The following AGBL3 variants were observed in gnomAD, a reference collection of about 807,000 sequenced individuals.
The protein encoded by AGBL3 is cytosolic carboxypeptidase 3.
Under a neutral mutation model 94.5 loss-of-function variants are expected in AGBL3, and 68 were observed. The ratio of observed to expected loss-of-function variants is 0.72; its 90% confidence interval spans 0.59 to 0.88. The LOEUF (loss-of-function observed/expected upper bound fraction) is 0.88. Ranked by LOEUF, AGBL3 falls within the 40% of genes least tolerant of loss-of-function variation. The pLI is 0.00. For missense variants in AGBL3, 934 were observed against 1,103.8 expected (o/e 0.85, Z 2.18); for synonymous variants, 354 against 370.7 (o/e 0.95, Z 0.52).
intron 4 of AGBL3, chr7:135,010,088 G>A (rs1299206223): frequency 4.7e-6 from 2 of 423,816 alleles, no homozygotes; most frequent in Non-Finnish European, 9.2e-6. Context: ...GAGCGCAGTG[G>A]TGCGATCTCG....
At chr7:135,093,361 A>C (rs916495886) in intron 15 of AGBL3, 18 of 152,124 alleles carry the variant, frequency 1.2e-4, no homozygotes, top group African/African-American at 4.3e-4. Flanking sequence ...TGCAGGATAA[A>C]AGATCAATAG....
intron 11 of AGBL3, among the ~76,000 whole-genome samples, chr7:135,052,827 C>G (rs1456756814): frequency 6.6e-6 from 1 of 151,968 alleles, no homozygotes; most frequent in Non-Finnish European, 1.5e-5. Context: ...ATCTAGAATA[C>G]CTTTTAAGAA....
chr7:135,112,769 T>C (rs1382841119), intron 15 of AGBL3, among the ~76,000 whole-genome samples: 1 of 152,190 alleles, frequency 6.6e-6, no homozygotes, highest in Non-Finnish European at 1.5e-5. Context: ...AAGCATTCAC[T>C]GAATGTTTAT....
At chr7:134,987,680 G>C (rs907657091) in intron 1 of AGBL3, among the ~76,000 whole-genome samples, 195 bp from the exon 2 acceptor site, 25 of 152,098 alleles carry the variant, frequency 1.6e-4, no homozygotes, top group African/African-American at 6.0e-4. Flanking sequence ...TTGTCTTATT[G>C]TGGTTGTTGT....
chr7:135,096,895 G>A (rs553558199), intron 15 of AGBL3, among the ~76,000 whole-genome samples: 1 of 152,252 alleles, frequency 6.6e-6, no homozygotes, highest in Non-Finnish European at 1.5e-5. Flanking sequence ...GACAAAATAT[G>A]CAGAAAAGAA....
At chr7:135,007,082 G>A (rs974537280) in intron 4 of AGBL3, among the ~76,000 whole-genome samples, 2 of 151,298 alleles carry the variant, frequency 1.3e-5, no homozygotes, top group African/African-American at 4.8e-5. Context: ...TAGCTTCATT[G>A]CTGAATTCTT....
At chr7:135,100,970 G>T (rs537666477) in intron 15 of AGBL3, among the ~76,000 whole-genome samples, 1 of 152,292 alleles carries the variant, frequency 6.6e-6, no homozygotes, top group African/African-American at 2.4e-5. Flanking sequence ...TGTATTAAAA[G>T]ACTTTGCATA....
chr7:135,094,906 A>G (rs1268342260), intron 15 of AGBL3, among the ~76,000 whole-genome samples: 2 of 152,220 alleles, frequency 1.3e-5, no homozygotes, highest in Non-Finnish European at 2.9e-5. Context: ...AGGAAAAATT[A>G]TATACAGAAT....
intron 15 of AGBL3, among the ~76,000 whole-genome samples, chr7:135,084,161 T>C (rs943203838): frequency 2.6e-5 from 4 of 152,124 alleles, no homozygotes; most frequent in Non-Finnish European, 4.4e-5. Flanking sequence ...AGTTTTCTTA[T>C]GCAATGTTTC....
chr7:135,076,463 CAA>C lies in AGBL3; in HGVS notation c.1976_1977del (p.Gln659ArgfsTer4). 1 of 1,544,830 alleles carries C rather than the reference CAA, an allele frequency of 6.5e-7. No homozygotes were observed. Among genetic ancestry groups the C allele is most frequent in the South Asian group, 1.2e-5 (1 of 83,832 alleles). ...TIASHQNARG[Q>X]EVYDRGHLLQ... ...AGCAAGCCACCAAAATGCCAGAGGACAAGAGGTAAATCTTCATTAATCTAGTT... is the reference window on the plus strand; with the variant it reads ...AGCAAGCCACCAAAATGCCAGAGGACGAGGTAAATCTTCATTAATCTAGTT... On this transcript the variant is annotated frameshift_variant, in exon 13 of 17. Coordinates refer to ENST00000436302, the MANE Select transcript of AGBL3 (RefSeq NM_178563.4). LOFTEE classifies it high-confidence loss of function.
chr7:135,038,132 C>A (rs887981697), intron 8 of AGBL3, among the ~76,000 whole-genome samples: 7 of 152,084 alleles, frequency 4.6e-5, no homozygotes, highest in Non-Finnish European at 8.8e-5. Flanking sequence ...ATATTTTAAT[C>A]ATTCTTTAGG....
intron 4 of AGBL3, among the ~76,000 whole-genome samples, chr7:134,994,929 T>C (rs1373958549): frequency 2.6e-5 from 4 of 152,204 alleles, no homozygotes; most frequent in Admixed American, 6.5e-5. Flanking sequence ...CTCTCTCTCT[T>C]TTTCTCCTTT....
intron 16 of AGBL3, among the ~76,000 whole-genome samples, chr7:135,122,712 C>T (rs1827310779): frequency 6.6e-6 from 1 of 152,160 alleles, no homozygotes; most frequent in Admixed American, 6.5e-5. Flanking sequence ...CTCCAGCCTC[C>T]TTGAGTGACA....
intron 4 of AGBL3, among the ~76,000 whole-genome samples, chr7:135,006,600 G>T (rs540364966): frequency 3.9e-5 from 6 of 151,988 alleles, no homozygotes; most frequent in Admixed American, 6.6e-5. Flanking sequence ...CACCTATTCT[G>T]CCTTATGGAA....
intron 16 of AGBL3, among the ~76,000 whole-genome samples, chr7:135,126,151 TCTC>T (rs1827837700): frequency 6.6e-6 from 1 of 152,090 alleles, no homozygotes; most frequent in African/African-American, 2.4e-5. Context: ...AACCCCAACA[TCTC>T]AGCCCCAAAA....
intron 11 of AGBL3, among the ~76,000 whole-genome samples, chr7:135,051,700 T>A (rs1466523093): frequency 6.6e-6 from 1 of 152,132 alleles, no homozygotes; most frequent in East Asian, 1.9e-4. Flanking sequence ...ATAGAACTTA[T>A]TCTTCCTTAT....
At chr7:135,029,084 A>G (rs1211498701) in intron 5 of AGBL3, among the ~76,000 whole-genome samples, 2 of 152,236 alleles carry the variant, frequency 1.3e-5, no homozygotes, top group East Asian at 3.8e-4. Flanking sequence ...TTTTGTTTAT[A>G]GAGCACAGGC....
rs540783485 is a variant in AGBL3, at chr7:135,019,707, C to T, written c.418+2548C>T. Among the ~76,000 whole-genome samples, 11 of 152,214 alleles carry T rather than the reference C, an allele frequency of 7.2e-5. 1 individual carries two copies. The highest frequency in any genetic ancestry group is 3.4e-3 in the Middle Eastern group (1 of 294). On this transcript the variant is annotated intron_variant, in intron 5 of 16. Transcript: ENST00000436302. ...TAACCAAAACAGCACGGTACTGGTACCAAAACAGAGATATAGACCAATGGA... is the reference window on the plus strand; with the variant it reads ...TAACCAAAACAGCACGGTACTGGTATCAAAACAGAGATATAGACCAATGGA...
intron 16 of AGBL3, among the ~76,000 whole-genome samples, chr7:135,124,760 G>A (rs117791370): frequency 3.9e-5 from 6 of 152,130 alleles, no homozygotes; most frequent in African/African-American, 1.4e-4. Flanking sequence ...AAAACCACAC[G>A]ATTACATGGA....
Sources: allele counts gnomAD v4.1 joint callset (sites outside exome capture counted in the v4.1 genomes callset), GRCh38; gene constraint gnomAD v4.1.1; transcripts MANE v1.5; gene names NCBI Gene and HGNC (gene_info 2026-07-23, HGNC 2026-07-21).